Variants in ZBTB20 observed in about 807,000 individuals in gnomAD.
ZBTB20 encodes the protein zinc finger and BTB domain containing 20.
Under a neutral mutation model 56.9 loss-of-function variants are expected in ZBTB20, and 9 were observed. That is an observed-to-expected ratio of 0.16 (90% CI 0.10 to 0.28). The LOEUF is 0.28. Ranked by LOEUF, ZBTB20 falls within the 10% of genes least tolerant of loss-of-function variation. The pLI is 1.00. For missense variants in ZBTB20, 655 were observed against 1,003.0 expected, an observed-to-expected ratio of 0.65 and a Z score of 4.69; for synonymous variants, 417 against 420.7, an observed-to-expected ratio of 0.99 and a Z score of 0.11.
intron 6 of ZBTB20, among the ~76,000 whole-genome samples, chr3:114,532,611 A>C (rs1208227430): frequency 6.6e-6 from 1 of 152,208 alleles, no homozygotes; most frequent in Non-Finnish European, 1.5e-5. Flanking sequence ...AGAGCAGCAG[A>C]TCTCCCATCA....
chr3:114,400,653 C>A (rs9878858), intron 7 of ZBTB20, among the ~76,000 whole-genome samples: 17,471 of 152,140 alleles, frequency 0.11, 1,074 homozygotes, highest in South Asian at 0.16. Context: ...AGCCACAACA[C>A]AGGTGACAAT....
chr3:114,863,864 A>G (rs1323132960), intron 4 of ZBTB20, among the ~76,000 whole-genome samples: 1 of 152,048 alleles, frequency 6.6e-6, no homozygotes, highest in African/African-American at 2.4e-5. Context: ...GCCAAGGGAC[A>G]TTAAGTTTGG....
At chr3:114,689,493 T>C (rs541022166) in intron 6 of ZBTB20, among the ~76,000 whole-genome samples, 1 of 152,246 alleles carries the variant, frequency 6.6e-6, no homozygotes, top group South Asian at 2.1e-4. Context: ...AAGAAATGTC[T>C]TATAGCTTGA....
intron 4 of ZBTB20, among the ~76,000 whole-genome samples, chr3:114,887,199 G>A (rs375658550): frequency 1.6e-4 from 24 of 152,082 alleles, no homozygotes; most frequent in Admixed American, 7.9e-4. Flanking sequence ...CCTCTTAAAG[G>A]CCCCAGCTCT....
chr3:115,069,852 C>CAA (rs760306223), intron 2 of ZBTB20, among the ~76,000 whole-genome samples: 1 of 133,362 alleles, frequency 7.5e-6, no homozygotes. Flanking sequence ...TCCTCATATA[C>CAA]AAAAAAAAAA....
Position 114,337,819 on chromosome 3 carries a change from T to C in ZBTB20, c.*1186A>G, listed in dbSNP as rs1312992624. The C allele has an allele frequency of 6.6e-6, 1 of 152,016 alleles. No individual in the cohort carries two copies. The highest frequency in any genetic ancestry group is 1.9e-4 in the East Asian group (1 of 5,202). The allele number at this position is 152,016 out of a possible 1,614,324, so 9.4% of individuals were successfully genotyped here. On this transcript the variant is annotated 3_prime_UTR_variant, in exon 12 of 12. Coordinates refer to ENST00000675478, the MANE Select transcript of ZBTB20 (RefSeq NM_001348800.3). ...GTCTTGACTTACCAAAAAATATATA[T>C]ATGTGTGTGAAATAAAATAAAAGAG...
At chr3:114,803,566 T>C (rs1578939393) in intron 4 of ZBTB20, among the ~76,000 whole-genome samples, 1 of 151,846 alleles carries the variant, frequency 6.6e-6, no homozygotes, top group East Asian at 1.9e-4. Context: ...GTAGGACCAG[T>C]TGTCTTTGAT....
At chr3:114,346,570 T>G (rs1181360532) in intron 11 of ZBTB20, among the ~76,000 whole-genome samples, 1 of 152,182 alleles carries the variant, frequency 6.6e-6, no homozygotes, top group Non-Finnish European at 1.5e-5. Flanking sequence ...TACTTTAAAT[T>G]TTTGGGTTAT....
chr3:114,385,837 C>T (rs2085052348), intron 8 of ZBTB20, among the ~76,000 whole-genome samples: 1 of 152,130 alleles, frequency 6.6e-6, no homozygotes, highest in Non-Finnish European at 1.5e-5. Flanking sequence ...CACTGCACTG[C>T]AGCCTGGAGC....
At chr3:115,013,574 TG>T (rs1383652695) in intron 2 of ZBTB20, among the ~76,000 whole-genome samples, 1 of 151,720 alleles carries the variant, frequency 6.6e-6, no homozygotes, top group East Asian at 1.9e-4. Context: ...CACTACCTGA[TG>T]GCTTCCCTGC....
chr3:114,536,817 G>T (rs1345140429), intron 6 of ZBTB20, among the ~76,000 whole-genome samples: 2 of 151,854 alleles, frequency 1.3e-5, no homozygotes, highest in Admixed American at 6.6e-5. Context: ...ACAGAAAGAG[G>T]CCTCCAAAAT....
Position 114,323,641 on chromosome 3 carries a change from A to T in ZBTB20, c.*15364T>A, listed in dbSNP as rs1386480293. ...TGGCTTCTTCACTGTTAAAACTCTTACTGAGAGCTCAGTCAGAAACAAGAT... is the reference window on the plus strand; with the variant it reads ...TGGCTTCTTCACTGTTAAAACTCTTTCTGAGAGCTCAGTCAGAAACAAGAT... On this transcript the variant is annotated 3_prime_UTR_variant, in exon 12 of 12. Coordinates refer to ENST00000675478, the MANE Select transcript of ZBTB20 (RefSeq NM_001348800.3). 2 of 152,164 alleles carry T rather than the reference A, an allele frequency of 1.3e-5. No homozygotes were observed. Among genetic ancestry groups the T allele is most frequent in the African/African-American group, 4.8e-5 (2 of 41,436 alleles). The allele number at this position is 152,164 out of a possible 1,614,324, so 9.4% of individuals were successfully genotyped here. A position where few individuals can be genotyped will look rare whatever the true frequency, so the allele number is the denominator to read the frequency against.
At chr3:114,366,385 G>A (rs942936435) in intron 10 of ZBTB20, among the ~76,000 whole-genome samples, 1 of 151,920 alleles carries the variant, frequency 6.6e-6, no homozygotes, top group African/African-American at 2.4e-5. Flanking sequence ...TATCATTTCT[G>A]GGGGGAATGG....
intron 5 of ZBTB20, among the ~76,000 whole-genome samples, chr3:114,700,749 G>A (rs1237138681): frequency 6.6e-6 from 1 of 152,138 alleles, no homozygotes; most frequent in African/African-American, 2.4e-5. Flanking sequence ...ACTCTGAGGA[G>A]GTTAAAAGAG....
At chr3:114,602,430 G>C (rs1355488584) in intron 6 of ZBTB20, among the ~76,000 whole-genome samples, 1 of 151,914 alleles carries the variant, frequency 6.6e-6, no homozygotes, top group African/African-American at 2.4e-5. Flanking sequence ...ATCTTTTAAG[G>C]CTCACTCCTA....
chr3:114,543,104 T>C lies in ZBTB20; in HGVS notation c.-294-42713A>G, dbSNP rs2049310805. On this transcript the variant is annotated intron_variant, in intron 6 of 11. Transcript: ENST00000675478. ...GACTTGCAGATGCTCAAGTCCCTCA[T>C]ATGAAGTGGCACAGTATTTACATAT... Among the ~76,000 whole-genome samples the C allele has an allele frequency of 2.0e-5, 3 of 152,290 alleles. No individual in the cohort carries two copies. In the South Asian group the frequency reaches 6.2e-4, roughly 32 times the overall value.
chr3:114,618,634 T>C (rs970652839), intron 6 of ZBTB20, among the ~76,000 whole-genome samples: 2 of 152,168 alleles, frequency 1.3e-5, no homozygotes, highest in African/African-American at 2.4e-5. Flanking sequence ...ATGAATATAA[T>C]GAAGAAACAG....
At chr3:114,989,689 G>A (rs1211947783) in intron 2 of ZBTB20, among the ~76,000 whole-genome samples, 1 of 152,022 alleles carries the variant, frequency 6.6e-6, no homozygotes, top group East Asian at 1.9e-4. Context: ...AAATTACGCA[G>A]GACAGTATGG....
chr3:114,494,903 C>T (rs184886431), intron 7 of ZBTB20, among the ~76,000 whole-genome samples: 2 of 152,140 alleles, frequency 1.3e-5, no homozygotes, highest in Non-Finnish European at 1.5e-5. Flanking sequence ...ATTTATGGGC[C>T]CCCTCGAAGA....
Sources: allele counts gnomAD v4.1 joint callset (sites outside exome capture counted in the v4.1 genomes callset), GRCh38; gene constraint gnomAD v4.1.1; transcripts MANE v1.5; gene names NCBI Gene and HGNC (gene_info 2026-07-23, HGNC 2026-07-21).